Variants in SNW1 observed in about 807,000 individuals in gnomAD.
SNW1 encodes the protein SNW domain containing 1, also known as SNW domain-containing protein 1.
In SNW1, 9 loss-of-function variants were observed where a neutral mutation model predicts 75.6. The observed-to-expected ratio is 0.12, with a 90% confidence interval of 0.07 to 0.21. SNW1 has a LOEUF of 0.21. Ranked by LOEUF, SNW1 falls within the 10% of genes least tolerant of loss-of-function variation. SNW1 has a pLI of 1.00. For synonymous variants in SNW1, 200 were observed against 219.1 expected, an observed-to-expected ratio of 0.91 and a Z score of 0.77; for missense variants, 409 against 670.9, an observed-to-expected ratio of 0.61 and a Z score of 4.31.
chr14:77,753,346 A>C (rs527680643), intron 2 of SNW1, among the ~76,000 whole-genome samples: 2 of 152,302 alleles, frequency 1.3e-5, no homozygotes, highest in South Asian at 4.1e-4. Context: ...TGACAGACCA[A>C]ACAATATTTA....
Position 77,755,077 on chromosome 14 carries a change from C to T in SNW1, c.58G>A (p.Ala20Thr), listed in dbSNP as rs200424476. 68 of 1,613,062 alleles carry T rather than the reference C, an allele frequency of 4.2e-5. No individual in the cohort carries two copies. In the East Asian group the frequency reaches 1.4e-3, roughly 32 times the overall value. The change falls in exon 2 of 14, where the codon GCT becomes ACT. Residue 20 changes from alanine to threonine, a missense_variant. By Grantham distance (58) the Ala-to-Thr change is moderately conservative. Transcript: ENST00000261531. ...PTQLSQDQLE[A>T]EEKARSQRSR... ...CTCTGGGATCTTGCCTTTTCTTCAG[C>T]CTCAAGCTGGTCCTGAGATAGCTGA...
intron 3 of SNW1, among the ~76,000 whole-genome samples, chr14:77,740,152 A>G: frequency 1.1e-5 from 1 of 88,926 alleles, no homozygotes; most frequent in East Asian, 3.5e-4. Flanking sequence ...AAAAAAAAAA[A>G]AAAAAAGAGA....
intron 3 of SNW1, among the ~76,000 whole-genome samples, chr14:77,740,150 AAAAAAAAAGAG>A (rs1174745392): frequency 2.2e-5 from 2 of 89,506 alleles, no homozygotes; most frequent in Non-Finnish European, 4.4e-5. Flanking sequence ...AAAAAAAAAA[AAAAAAAAAGAG>A]AGAGATACAG....
At chr14:77,755,194 C>T in intron 1 of SNW1, 74 bp from the exon 2 acceptor site, 10 of 1,350,014 alleles carry the variant, frequency 7.4e-6, no homozygotes, top group Non-Finnish European at 9.1e-6. Flanking sequence ...AACTTGGCCA[C>T]AGAGACAATT....
chr14:77,722,572 T>A, intron 11 of SNW1: 1 of 428,846 alleles, frequency 2.3e-6, no homozygotes, highest in Non-Finnish European at 4.6e-6. Context: ...CAGTCCAAAT[T>A]TACTACTACA....
intron 3 of SNW1, among the ~76,000 whole-genome samples, chr14:77,747,466 A>T (rs2080770248): frequency 6.9e-6 from 1 of 145,170 alleles, no homozygotes; most frequent in Non-Finnish European, 1.5e-5. Flanking sequence ...CCGTCTAGGA[A>T]GTGAGGAGCG....
intron 1 of SNW1, among the ~76,000 whole-genome samples, chr14:77,755,611 G>T (rs1284408993): frequency 6.6e-5 from 10 of 151,952 alleles, no homozygotes; most frequent in Non-Finnish European, 1.5e-4. Context: ...TAGAGATGGG[G>T]TTTCACCATG....
intron 2 of SNW1, among the ~76,000 whole-genome samples, chr14:77,753,308 T>A (rs985141709): frequency 1.3e-5 from 2 of 152,212 alleles, no homozygotes; most frequent in African/African-American, 4.8e-5. Flanking sequence ...TGTAAGATGA[T>A]GCCTGTCACC....
intron 2 of SNW1, among the ~76,000 whole-genome samples, chr14:77,754,359 G>T (rs2080829328): frequency 6.6e-6 from 1 of 152,088 alleles, no homozygotes; most frequent in South Asian, 2.1e-4. Context: ...CTTGTTATTT[G>T]GCAACAAGCT....
intron 10 of SNW1, 68 bp downstream of exon 10, chr14:77,730,920 A>C (rs2080622468): frequency 1.9e-5 from 29 of 1,547,562 alleles, no homozygotes; most frequent in Non-Finnish European, 2.5e-5. Flanking sequence ...AGTAGGAAAA[A>C]GATTTTCTAA....
intron 7 of SNW1, among the ~76,000 whole-genome samples, chr14:77,735,540 C>G (rs2080664009): frequency 6.6e-6 from 1 of 152,206 alleles, no homozygotes; most frequent in South Asian, 2.1e-4. Flanking sequence ...GCCTCGGCCT[C>G]CCAAAGTGCT....
chr14:77,748,281 G>T (rs981790505), intron 3 of SNW1, among the ~76,000 whole-genome samples: 1 of 152,088 alleles, frequency 6.6e-6, no homozygotes. Context: ...GCGGAAGGCC[G>T]CAGGGTCCTC....
Position 77,717,619 on chromosome 14 carries a change from T to C in SNW1, c.*469A>G, listed in dbSNP as rs1401279745. 1.3e-6 allele frequency: 2 copies of C among 1,520,710 alleles called. No individual in the cohort carries two copies. The highest frequency in any genetic ancestry group is 2.8e-5 in the African/African-American group (2 of 72,536). 94.2% of individuals were successfully genotyped at this position (1,520,710 alleles called of 1,614,324 possible). On this transcript the variant is annotated 3_prime_UTR_variant, in exon 14 of 14. Coordinates refer to ENST00000261531, the MANE Select transcript of SNW1 (RefSeq NM_012245.3). ...GAGAATTTTGTCTAAATGTTTTTAT[T>C]TGAAACAAATAGTTGCACCAAGCAA...
intron 3 of SNW1, among the ~76,000 whole-genome samples, chr14:77,739,607 CA>C (rs2080700424): frequency 2.2e-5 from 3 of 138,352 alleles, no homozygotes; most frequent in South Asian, 2.3e-4. Flanking sequence ...CATGAGAAGA[CA>C]AAAGAAAAAA....
At chr14:77,750,632 A>C (rs1447426016) in intron 3 of SNW1, among the ~76,000 whole-genome samples, 1 of 151,416 alleles carries the variant, frequency 6.6e-6, no homozygotes, top group African/African-American at 2.4e-5. Context: ...GTTCTAAGGA[A>C]ATCTTTCACT....
Position 77,761,095 on chromosome 14 carries a change from A to AC in SNW1, c.14+18dup. On this transcript the variant is annotated intron_variant, in intron 1 of 13. Coordinates refer to ENST00000261531, the MANE Select transcript of SNW1 (RefSeq NM_012245.3). ...ACTCCCAGACCCTTCCGTATCGAGG[A>AC]CCCCAATCAACAACCCACCTGGTGA... 6.2e-7 allele frequency: 1 copy of AC among 1,614,154 alleles called. No individual in the cohort carries two copies. Among genetic ancestry groups the AC allele is most frequent in the South Asian group, 1.1e-5 (1 of 91,076 alleles).
chr14:77,739,612 G>GA (rs545421992), intron 3 of SNW1, among the ~76,000 whole-genome samples: 54 of 123,454 alleles, frequency 4.4e-4, no homozygotes, highest in African/African-American at 4.4e-4. Context: ...GAAGACAAAA[G>GA]AAAAAAAAAA....
intron 8 of SNW1, chr14:77,734,062 C>G (rs2080650225): frequency 4.4e-6 from 1 of 225,818 alleles, no homozygotes; most frequent in Non-Finnish European, 9.5e-6. Context: ...TATATAAATT[C>G]TCTTAAGAAA....
In SNW1 at chr14:77,739,169, G is replaced by T. The variant is rs2080697452; in HGVS notation, c.331-108C>A. 5 of 759,942 alleles carry T rather than the reference G, an allele frequency of 6.6e-6. No homozygotes were observed. In the South Asian group the frequency reaches 7.9e-5, roughly 12 times the overall value. 47.1% of individuals were successfully genotyped at this position (759,942 alleles called of 1,614,324 possible). Reference sequence around the variant, plus strand: ...CCTCTCAGCACACTTAAAAATTTAGGACACTCAGATTTTCTCTTTTAGATT... The same window carrying T: ...CCTCTCAGCACACTTAAAAATTTAGTACACTCAGATTTTCTCTTTTAGATT... On this transcript the variant is annotated intron_variant, in intron 3 of 13. Coordinates refer to ENST00000261531, the MANE Select transcript of SNW1 (RefSeq NM_012245.3).
Sources: gnomAD v4.1 joint callset for allele counts (sites outside exome capture counted in the v4.1 genomes callset) on GRCh38, gnomAD v4.1.1 for gene constraint, MANE v1.5 for transcripts, NCBI Gene and HGNC (gene_info 2026-07-23, HGNC 2026-07-21) for gene names.